Variants in BTBD7 observed in about 807,000 individuals in gnomAD.
BTBD7 encodes BTB domain containing 7.
A neutral mutation model predicts 99.9 loss-of-function variants in BTBD7; 38 were observed. The ratio of observed to expected loss-of-function variants is 0.38; its 90% CI spans 0.29 to 0.50. The LOEUF (loss-of-function observed/expected upper bound fraction) is 0.50, where lower values mean the gene tolerates loss of function less well. Ranked by LOEUF, BTBD7 falls within the 20% of genes least tolerant of loss-of-function variation. The pLI is 0.93. For synonymous variants in BTBD7, 520 were observed against 511.4 expected (o/e 1.02, Z -0.23); for missense variants, 1,170 against 1,394.6 (o/e 0.84, Z 2.57).
intron 1 of BTBD7, among the ~76,000 whole-genome samples, chr14:93,326,579 G>A (rs12437265): frequency 0.39 from 58,536 of 151,688 alleles, 12,490 homozygotes; most frequent in African/African-American, 0.58. Flanking sequence ...AGGCGGGTGG[G>A]TCACCTTATG....
intron 3 of BTBD7, among the ~76,000 whole-genome samples, chr14:93,265,171 A>G (rs148780959): frequency 3.3e-5 from 5 of 152,350 alleles, no homozygotes; most frequent in African/African-American, 1.2e-4. Context: ...AACTCCAGAG[A>G]CTTCTAAAGT....
At chr14:93,259,826 C>T (rs889179386) in intron 5 of BTBD7, among the ~76,000 whole-genome samples, 12 of 152,090 alleles carry the variant, frequency 7.9e-5, no homozygotes, top group Non-Finnish European at 1.5e-4. Flanking sequence ...CCCAGCTACT[C>T]GGGAAGCTGA....
intron 6 of BTBD7, 53 bp downstream of exon 6, chr14:93,257,142 T>TACAATGAATAAAA (rs1566838302): frequency 6.4e-7 from 1 of 1,554,490 alleles, no homozygotes; most frequent in South Asian, 1.1e-5. Flanking sequence ...AATAAAAACA[T>TACAATGAATAAAA]ACACCTGGCA....
rs556949857 is a variant in BTBD7 at position 93,314,642 on chromosome 14, CTCTGCCCAG to C, written c.-107+18169_-107+18177del. Reference sequence around the variant, plus strand: ...AGTCTTTTACACATATCTTTGCCCACTCTGCCCAGTCTAAATTATGTCATTAGAATAAAT... The same window carrying C: ...AGTCTTTTACACATATCTTTGCCCACTCTAAATTATGTCATTAGAATAAAT... On this transcript the variant is annotated intron_variant, in intron 1 of 10. Transcript: ENST00000334746. Among the ~76,000 whole-genome samples, 32 of 152,308 alleles carry C rather than the reference CTCTGCCCAG, an allele frequency of 2.1e-4. No homozygotes were observed. In the East Asian group the frequency reaches 5.8e-3, roughly 28 times the overall value.
At chr14:93,276,086 T>A (rs149535449) in intron 3 of BTBD7, among the ~76,000 whole-genome samples, 102 of 152,070 alleles carry the variant, frequency 6.7e-4, no homozygotes, top group African/African-American at 2.4e-3. Context: ...CATGGTGGCA[T>A]ATGCCTGTAG....
At chr14:93,315,343 T>C (rs1374847994) in intron 1 of BTBD7, among the ~76,000 whole-genome samples, 1 of 152,234 alleles carries the variant, frequency 6.6e-6, no homozygotes, top group East Asian at 1.9e-4. Context: ...CTCAATTACC[T>C]GCTGTTGCTA....
rs763078892 is a variant in BTBD7 at position 93,293,856 on chromosome 14, AC to A, written c.1162+1del. ...TCAGAATTAAAAACCAGAACTTCAT[AC>A]CTTGTGCAAGCATGTTAAATTCCAA... On this transcript the variant is annotated splice_donor_variant, in intron 3 of 10. Transcript: ENST00000334746. LOFTEE classifies it high-confidence loss of function. The A allele has an allele frequency of 6.3e-7, 1 of 1,599,432 alleles. No individual in the cohort carries two copies. Among genetic ancestry groups the A allele is most frequent in the South Asian group, 1.1e-5 (1 of 88,224 alleles).
At chr14:93,316,692 T>C (rs896423689) in intron 1 of BTBD7, among the ~76,000 whole-genome samples, 1 of 152,198 alleles carries the variant, frequency 6.6e-6, no homozygotes, top group African/African-American at 2.4e-5. Context: ...GCTTAACAAA[T>C]TTTGCTGAAT....
In BTBD7 at chr14:93,237,749, A is replaced by G. The variant is rs978998792; in HGVS notation, c.*4524T>C. ...GGAGGTACCTAAATAAAAATACTAT[A>G]TATTTCTTTAAAAATCACTATGTAC... On this transcript the variant is annotated 3_prime_UTR_variant, in exon 11 of 11. Coordinates refer to ENST00000334746, the MANE Select transcript of BTBD7 (RefSeq NM_001002860.4). 6.6e-6 allele frequency: 1 copy of G among 152,658 alleles called. No individual in the cohort carries two copies. Among genetic ancestry groups the G allele is most frequent in the Non-Finnish European group, 1.5e-5 (1 of 68,042 alleles). The allele number at this position is 152,658 out of a possible 1,614,324, so 9.5% of individuals were successfully genotyped here.
intron 10 of BTBD7, among the ~76,000 whole-genome samples, chr14:93,244,879 G>A (rs1164308016): frequency 2.3e-4 from 24 of 102,618 alleles, no homozygotes; most frequent in African/African-American, 9.7e-4. Flanking sequence ...TTTTTTTTGA[G>A]ACAGTCTCCC....
Position 93,296,054 on chromosome 14 carries a change from TC to T in BTBD7, c.-4del, listed in dbSNP as rs1342858753. The T allele has an allele frequency of 6.2e-7, 1 of 1,613,432 alleles. No homozygotes were observed. The highest frequency in any genetic ancestry group is 8.5e-7 in the Non-Finnish European group (1 of 1,179,736). On this transcript the variant is annotated 5_prime_UTR_variant, in exon 2 of 11. Transcript: ENST00000334746. ...TAATTAGATGCATTAGCACCCATTT[TC>T]TTCAGTCACTCAGGCATTCCGTCTG...
intron 1 of BTBD7, among the ~76,000 whole-genome samples, chr14:93,316,894 T>C (rs1190535511): frequency 1.3e-5 from 2 of 151,942 alleles, no homozygotes; most frequent in Admixed American, 6.6e-5. Context: ...GTAAGCAAAG[T>C]GGGTCAGGGA....
intron 6 of BTBD7, 57 bp from the exon 7 acceptor site, chr14:93,253,847 GATAA>G (rs2052398231): frequency 1.3e-6 from 1 of 745,882 alleles, no homozygotes; most frequent in African/African-American, 1.8e-5. Flanking sequence ...ATACTACTAA[GATAA>G]ATAAAAATAT....
rs1160763497 is a variant in BTBD7 at position 93,237,973 on chromosome 14, G to A, written c.*4300C>T. ...CACCTCTCTGAAGTACAGATGTGGTGCATACACAGCAAGGAGAGTTCAGGA... is the reference window on the plus strand; with the variant it reads ...CACCTCTCTGAAGTACAGATGTGGTACATACACAGCAAGGAGAGTTCAGGA... On this transcript the variant is annotated 3_prime_UTR_variant, in exon 11 of 11. Transcript: ENST00000334746. The A allele has an allele frequency of 1.3e-5, 2 of 152,442 alleles. No homozygotes were observed. Among genetic ancestry groups the A allele is most frequent in the Admixed American group, 1.3e-4 (2 of 15,284 alleles). 9.4% of individuals were successfully genotyped at this position (152,442 alleles called of 1,614,324 possible). A position where few individuals can be genotyped will look rare whatever the true frequency, so the allele number is the denominator to read the frequency against.
chr14:93,306,250 T>C (rs1311606036), intron 1 of BTBD7, among the ~76,000 whole-genome samples: 4 of 151,956 alleles, frequency 2.6e-5, no homozygotes, highest in African/African-American at 4.8e-5. Flanking sequence ...AAGAAGCATA[T>C]AGGAGAAGCA....
At chr14:93,312,010 T>G (rs950244760) in intron 1 of BTBD7, among the ~76,000 whole-genome samples, 3 of 152,270 alleles carry the variant, frequency 2.0e-5, no homozygotes, top group South Asian at 2.1e-4. Flanking sequence ...CCCTGTCTAC[T>G]CTATTCTAGT....
chr14:93,269,302 A>T (rs547857468), intron 3 of BTBD7, among the ~76,000 whole-genome samples: 4 of 152,242 alleles, frequency 2.6e-5, no homozygotes, highest in Non-Finnish European at 5.9e-5. Context: ...CAAGGTTATC[A>T]ATATTGGAAT....
rs574722786 is a variant in BTBD7 at position 93,261,534 on chromosome 14, G to A, written c.1447+68C>T. 1.6e-3 allele frequency: 1,879 copies of A among 1,174,378 alleles called. 7 individuals carry two copies. The highest frequency in any genetic ancestry group is 2.2e-3 in the Non-Finnish European group (1,761 of 789,124). The allele number at this position is 1,174,378 out of a possible 1,614,324, so 72.7% of individuals were successfully genotyped here. A position where few individuals can be genotyped will look rare whatever the true frequency, so the allele number is the denominator to read the frequency against. ...AATTTTCAAGACTGATGTGCGGCAT[G>A]CATTTCTATATAAGAACCACCAAAT... is the stretch of plus-strand genomic sequence containing the variant. On this transcript the variant is annotated intron_variant, in intron 5 of 10. Transcript: ENST00000334746.
At chr14:93,254,028 C>A (rs919712014) in intron 6 of BTBD7, among the ~76,000 whole-genome samples, 12 of 151,670 alleles carry the variant, frequency 7.9e-5, no homozygotes, top group Non-Finnish European at 1.5e-4. Context: ...ACCTCCGTCT[C>A]CTGGATTCAA....
Sources: gnomAD v4.1 joint callset for allele counts (sites outside exome capture counted in the v4.1 genomes callset) on GRCh38, gnomAD v4.1.1 for gene constraint, MANE v1.5 for transcripts, NCBI Gene and HGNC (gene_info 2026-07-23, HGNC 2026-07-21) for gene names.